COA8: variants seen among roughly 807,000 people sequenced by gnomAD.
The protein encoded by COA8 is UPF0671 protein C14orf153.
In COA8, 20 loss-of-function variants were observed where a neutral mutation model predicts 22.0. The ratio of observed to expected loss-of-function variants is 0.91; its 90% CI spans 0.64 to 1.32. The LOEUF is 1.32. Among genes scored for constraint, COA8 ranks in the 40% most tolerant of loss-of-function variants. The probability of loss-of-function intolerance (pLI) is 0.00; values close to 1 mark genes in which losing one functional copy is unlikely to be tolerated. For synonymous variants in COA8, 105 were observed against 79.9 expected, an observed-to-expected ratio of 1.31 and a Z score of -1.68; for missense variants, 266 against 230.0, an observed-to-expected ratio of 1.16 and a Z score of -1.01.
chr14:103,582,737 CTT>C (rs61102383), intron 3 of COA8, among the ~76,000 whole-genome samples: 5 of 120,924 alleles, frequency 4.1e-5, no homozygotes, highest in African/African-American at 1.0e-4. Context: ...TTCACCCTGC[CTT>C]TTTTTTTTTT....
Position 103,590,348 on chromosome 14 carries a change from C to A in COA8, c.*62C>A. On this transcript the variant is annotated 3_prime_UTR_variant, in exon 5 of 5. Coordinates refer to ENST00000409074, the MANE Select transcript of COA8 (RefSeq NM_001370595.2). ...CAGGAAGCAGATGGAGCTCCTTTCACAGGGGCTCTGAGAAAAACTGGAGCT... is the reference window on the plus strand; with the variant it reads ...CAGGAAGCAGATGGAGCTCCTTTCAAAGGGGCTCTGAGAAAAACTGGAGCT... 1 of 1,444,044 alleles carries A rather than the reference C, an allele frequency of 6.9e-7. No homozygotes were observed. Among genetic ancestry groups the A allele is most frequent in the Non-Finnish European group, 9.6e-7 (1 of 1,043,222 alleles). 89.5% of individuals were successfully genotyped at this position (1,444,044 alleles called of 1,614,324 possible).
At chr14:103,571,954 T>C (rs1034445831) in intron 2 of COA8, 134 bp downstream of exon 2, 22 of 701,782 alleles carry the variant, frequency 3.1e-5, no homozygotes, top group South Asian at 2.3e-4. Context: ...GGTGAAACCC[T>C]GTCTCTACTA....
At chr14:103,569,260 G>A (rs563271893) in intron 1 of COA8, among the ~76,000 whole-genome samples, 13 of 152,266 alleles carry the variant, frequency 8.5e-5, no homozygotes, top group African/African-American at 2.2e-4. Flanking sequence ...GCTTGTCCTC[G>A]CTTTTAAATA....
chr14:103,587,447 T>C, intron 4 of COA8, 83 bp downstream of exon 4: 1 of 810,070 alleles, frequency 1.2e-6, no homozygotes, highest in South Asian at 2.2e-5. Flanking sequence ...TTTAACAACA[T>C]TCATGTTTAT....
chr14:103,574,078 CTTTTTTTTTTTTTTT>C lies in COA8; in HGVS notation c.322-18_322-4del. 1 of 1,012,756 alleles carries C rather than the reference CTTTTTTTTTTTTTTT, an allele frequency of 9.9e-7. No individual in the cohort carries two copies. The highest frequency in any genetic ancestry group is 1.3e-6 in the Non-Finnish European group (1 of 777,280). The allele number at this position is 1,012,756 out of a possible 1,614,324, so 62.7% of individuals were successfully genotyped here. ...AGACAGAGAAAGGAGTTCTGAGAGC[CTTTTTTTTTTTTTTT>C]TTTTTTTTTTAAGGAAAAAGAAGAA... On this transcript the variant is annotated splice_polypyrimidine_tract_variant and intron_variant, in intron 2 of 4. Coordinates refer to ENST00000409074, the MANE Select transcript of COA8 (RefSeq NM_001370595.2).
At position 103,590,092 on chromosome 14, in the gene COA8, C is replaced by T. The variant is rs974395135; in HGVS notation, c.477-89C>T. 2.9e-6 allele frequency: 3 copies of T among 1,052,236 alleles called. No homozygotes were observed. In the African/African-American group the frequency reaches 4.7e-5, roughly 17 times the overall value. 65.2% of individuals were successfully genotyped at this position (1,052,236 alleles called of 1,614,324 possible). A position where few individuals can be genotyped will look rare whatever the true frequency, so the allele number is the denominator to read the frequency against. On this transcript the variant is annotated intron_variant, in intron 4 of 4. Coordinates refer to ENST00000409074, the MANE Select transcript of COA8 (RefSeq NM_001370595.2). The stretch of plus-strand genomic sequence containing the variant: ...CAGTTGAGGCCTGGTCAGTTGAACT[C>T]ATCCTCAACTGGGAGCCACTTCTGG...
intron 3 of COA8, among the ~76,000 whole-genome samples, chr14:103,579,866 G>A (rs1405304393): frequency 6.6e-6 from 1 of 150,752 alleles, no homozygotes; most frequent in East Asian, 2.0e-4. Context: ...GGGAGGCTGA[G>A]GCAGGAGAAT....
At chr14:103,574,888 A>G (rs1287291716) in intron 3 of COA8, among the ~76,000 whole-genome samples, 1 of 152,228 alleles carries the variant, frequency 6.6e-6, no homozygotes, top group Non-Finnish European at 1.5e-5. Flanking sequence ...TGTGCTGGAC[A>G]CTGTGCAAGT....
chr14:103,590,045 C>T, intron 4 of COA8, 136 bp from the exon 5 acceptor site: 1 of 719,090 alleles, frequency 1.4e-6, no homozygotes, highest in Non-Finnish European at 2.4e-6. Flanking sequence ...TTAGCTTTAA[C>T]AAGGGCAGGG....
At chr14:103,563,426 A>C in intron 1 of COA8, 2 of 516,150 alleles carry the variant, frequency 3.9e-6, no homozygotes, top group Non-Finnish European at 3.6e-6. Context: ...ATTATTTTTT[A>C]TTTTTAAAGA....
chr14:103,563,581 C>G (rs576314122), intron 1 of COA8, among the ~76,000 whole-genome samples: 29 of 152,200 alleles, frequency 1.9e-4, no homozygotes, highest in Admixed American at 1.1e-3. Flanking sequence ...TATTTGCAAA[C>G]TATGTGTGGG....
rs1287524655 is a variant in COA8, at chr14:103,590,735, C to G, written c.*449C>G. ...ATTAGCTGGGTGTGGTGGCACGCAC[C>G]TGTAATCCCAGCTGCTCTGGAGGCT... On this transcript the variant is annotated 3_prime_UTR_variant, in exon 5 of 5. Coordinates refer to ENST00000409074, the MANE Select transcript of COA8 (RefSeq NM_001370595.2). The G allele has an allele frequency of 5.2e-5, 8 of 154,934 alleles. No homozygotes were observed. Among genetic ancestry groups the G allele is most frequent in the African/African-American group, 1.4e-4 (6 of 41,396 alleles). 9.6% of individuals were successfully genotyped at this position (154,934 alleles called of 1,614,324 possible). A position where few individuals can be genotyped will look rare whatever the true frequency, so the allele number is the denominator to read the frequency against.
At chr14:103,571,565 AT>A in intron 1 of COA8, 57 bp from the exon 2 acceptor site, 2 of 1,458,078 alleles carry the variant, frequency 1.4e-6, no homozygotes, top group Non-Finnish European at 1.9e-6. Context: ...CAGATTGTAC[AT>A]TTTATAATAC....
intron 3 of COA8, among the ~76,000 whole-genome samples, chr14:103,577,833 T>C (rs1314442154): frequency 3.3e-5 from 5 of 152,108 alleles, no homozygotes; most frequent in African/African-American, 1.2e-4. Flanking sequence ...GAGACCAGCC[T>C]GACCAACATG....
intron 3 of COA8, among the ~76,000 whole-genome samples, chr14:103,577,149 C>T (rs2076235577): frequency 6.6e-6 from 1 of 152,166 alleles, no homozygotes; most frequent in African/African-American, 2.4e-5. Context: ...CGGCTCACTG[C>T]AGTCTCCACC....
At chr14:103,579,831 C>T (rs959159187) in intron 3 of COA8, among the ~76,000 whole-genome samples, 5 of 151,076 alleles carry the variant, frequency 3.3e-5, no homozygotes, top group Admixed American at 6.6e-5. Flanking sequence ...GACGTGGTGG[C>T]GTATGCCTGT....
Position 103,564,956 on chromosome 14 carries a change from G to A in COA8, c.123+1832G>A, listed in dbSNP as rs147415915. On this transcript the variant is annotated intron_variant, in intron 1 of 4. Coordinates refer to ENST00000409074, the MANE Select transcript of COA8 (RefSeq NM_001370595.2). The stretch of plus-strand genomic sequence containing the variant: ...GATGAGAGACCTCTCTGCCTTGTTC[G>A]TTTTTTCTTTTTTCGAGATGGAGTT... 9.9e-5 allele frequency among the ~76,000 whole-genome samples: 15 copies of A among 151,784 alleles called. No homozygotes were observed. In the East Asian group the frequency reaches 1.2e-3, roughly 12 times the overall value.
At chr14:103,577,695 A>G (rs2076239042) in intron 3 of COA8, among the ~76,000 whole-genome samples, 1 of 151,116 alleles carries the variant, frequency 6.6e-6, no homozygotes, top group African/African-American at 2.4e-5. Context: ...CCTGGGCAAC[A>G]TGGTAAAACC....
intron 3 of COA8, among the ~76,000 whole-genome samples, chr14:103,577,884 C>T (rs927477525): frequency 6.6e-6 from 1 of 151,812 alleles, no homozygotes; most frequent in Non-Finnish European, 1.5e-5. Flanking sequence ...ATTAGCCAGT[C>T]GTGGTGATGC....
Sources: gnomAD v4.1 joint callset for allele counts (sites outside exome capture counted in the v4.1 genomes callset) on GRCh38, gnomAD v4.1.1 for gene constraint, MANE v1.5 for transcripts, NCBI Gene and HGNC (gene_info 2026-07-23, HGNC 2026-07-21) for gene names.